CD3G: variants seen among roughly 807,000 people sequenced by gnomAD.
CD3G encodes CD3 gamma subunit of T-cell receptor complex, also known as T-cell surface glycoprotein CD3 gamma chain.
Under a neutral mutation model 28.3 loss-of-function variants are expected in CD3G, and 24 were observed. That is an observed-to-expected ratio of 0.85 (90% confidence interval 0.61 to 1.19). The LOEUF is 1.19. Ranked by LOEUF, CD3G falls within the 50% of genes most tolerant of loss-of-function variation. CD3G has a pLI of 0.00. For synonymous variants in CD3G, 71 were observed against 75.9 expected (o/e 0.93, Z 0.34); for missense variants, 211 against 210.0 (o/e 1.00, Z -0.03).
rs537582344 is a variant in CD3G, at chr11:118,352,539, C to T, written c.*18+52C>T. 2.7e-3 allele frequency: 3,257 copies of T among 1,200,102 alleles called. 87 individuals carry two copies. The South Asian group carries it at 0.038, about 14-fold the overall frequency. 74.3% of individuals were successfully genotyped at this position (1,200,102 alleles called of 1,614,324 possible). The stretch of plus-strand genomic sequence containing the variant: ...AAAGGACCCTTGCATCAACTGCCCT[C>T]GCAATTGCTTCTAAGTCTAGCTCCC... On this transcript the variant is annotated intron_variant, in intron 6 of 6. Transcript: ENST00000532917.
intron 1 of CD3G, among the ~76,000 whole-genome samples, chr11:118,346,345 G>A (rs1948355821): frequency 6.6e-6 from 1 of 152,228 alleles, no homozygotes; most frequent in African/African-American, 2.4e-5. Context: ...GCTGAGGCAG[G>A]AGAATTGCTT....
chr11:118,352,309 C>G, intron 5 of CD3G, 95 bp from the exon 6 acceptor site: 2 of 1,038,288 alleles, frequency 1.9e-6, no homozygotes, highest in Non-Finnish European at 3.0e-6. Context: ...GTACCCACTC[C>G]AAATTCTCAC....
At position 118,349,001 on chromosome 11, in the gene CD3G, A is replaced by C. The variant is rs766539285; in HGVS notation, c.56-26A>C. On this transcript the variant is annotated intron_variant, in intron 1 of 6. Coordinates refer to ENST00000532917, the MANE Select transcript of CD3G (RefSeq NM_000073.3). ...CTGAACAACTCCATGCCCAGCTAAT[A>C]CTCTATCTCTCTTCTGTCTTTACAG... 4.3e-6 allele frequency: 7 copies of C among 1,613,812 alleles called. No homozygotes were observed. The East Asian group carries it at 1.6e-4, about 36-fold the overall frequency.
At position 118,349,182 on chromosome 11, in the gene CD3G, T is replaced by C. The variant is rs151023406; in HGVS notation, c.79+132T>C. ...GACGGGGATAGAGAGGTGATGTCTC[T>C]ATTGTCAACCAAATCAGTGACCTGA... is the stretch of plus-strand genomic sequence containing the variant. On this transcript the variant is annotated intron_variant, in intron 2 of 6. Coordinates refer to ENST00000532917, the MANE Select transcript of CD3G (RefSeq NM_000073.3). 14,217 of 1,603,184 alleles carry C rather than the reference T, an allele frequency of 8.9e-3. 93 individuals are homozygous for C. The highest frequency in any genetic ancestry group is 0.011 in the Non-Finnish European group (12,489 of 1,175,520).
At chr11:118,345,204 GA>G (rs912275394) in intron 1 of CD3G, among the ~76,000 whole-genome samples, 9 of 148,934 alleles carry the variant, frequency 6.0e-5, no homozygotes, top group East Asian at 1.9e-4. Context: ...GGCAGTTAGA[GA>G]AAAAAAAACA....
intron 2 of CD3G, 55 bp downstream of exon 2, chr11:118,349,105 G>T (rs1268410721): frequency 1.2e-6 from 2 of 1,613,986 alleles, no homozygotes; most frequent in South Asian, 2.2e-5. Flanking sequence ...CGGAAATTTG[G>T]CTTCCTACAA....
intron 3 of CD3G, 192 bp downstream of exon 3, chr11:118,350,162 T>C (rs1401873643): frequency 3.2e-6 from 2 of 616,060 alleles, no homozygotes; most frequent in Admixed American, 5.7e-5. Flanking sequence ...CTACAGCCAG[T>C]CCTGTAAAAT....
intron 1 of CD3G, among the ~76,000 whole-genome samples, chr11:118,348,423 C>A (rs1948375636): frequency 6.6e-6 from 1 of 152,130 alleles, no homozygotes; most frequent in South Asian, 2.1e-4. Context: ...ATGAAAAGGG[C>A]AAGGTCTAGG....
At chr11:118,350,165 T>C in intron 3 of CD3G, 195 bp downstream of exon 3, 1 of 611,282 alleles carries the variant, frequency 1.6e-6, no homozygotes, top group Non-Finnish European at 2.9e-6. Context: ...CAGCCAGTCC[T>C]GTAAAATTTT....
Position 118,351,685 on chromosome 11 carries a change from G to A in CD3G, c.483+14G>A, listed in dbSNP as rs767966977. 1.9e-6 allele frequency: 3 copies of A among 1,612,906 alleles called. No homozygotes were observed. The highest frequency in any genetic ancestry group is 8.5e-7 in the Non-Finnish European group (1 of 1,179,100). On this transcript the variant is annotated intron_variant, in intron 5 of 6. Transcript: ENST00000532917. ...CAGCTCTACCAGGTAAGGGGATGAA[G>A]AATAAAAGAGACATTGCTGTAATTA...
At chr11:118,352,175 C>A (rs1214675722) in intron 5 of CD3G, among the ~76,000 whole-genome samples, 1 of 151,172 alleles carries the variant, frequency 6.6e-6, no homozygotes, top group East Asian at 1.9e-4. Context: ...GCGATTGTGC[C>A]ACTGCACTCC....
chr11:118,346,068 T>C (rs977117925), intron 1 of CD3G, among the ~76,000 whole-genome samples: 1 of 152,166 alleles, frequency 6.6e-6, no homozygotes, highest in African/African-American at 2.4e-5. Flanking sequence ...TGGATCCAGC[T>C]TGGACACCAA....
Position 118,346,479 on chromosome 11 carries a change from C to T in CD3G, c.55+2001C>T, listed in dbSNP as rs565027503. 4.6e-5 allele frequency among the ~76,000 whole-genome samples: 7 copies of T among 151,804 alleles called. No homozygotes were observed. In the South Asian group the frequency reaches 1.5e-3, roughly 32 times the overall value. ...AAAAAGAAATGTGGCTATATGAACT[C>T]TTAAGTCCTAAAAGGAAACCTCACT... On this transcript the variant is annotated intron_variant, in intron 1 of 6. Transcript: ENST00000532917.
At chr11:118,352,626 A>G (rs558085288) in intron 6 of CD3G, 139 bp downstream of exon 6, 1 of 704,834 alleles carries the variant, frequency 1.4e-6, no homozygotes, top group Admixed American at 2.1e-5. Flanking sequence ...GGTTTGGGGT[A>G]CTCTTTTCTA....
chr11:118,348,518 A>G lies in CD3G; in HGVS notation c.56-509A>G, dbSNP rs907227094. ...CAGCACTCTCCCACACTCTGCCAGCACATTGATGGGTTCACCAACCAGGAA... is the reference window on the plus strand; with the variant it reads ...CAGCACTCTCCCACACTCTGCCAGCGCATTGATGGGTTCACCAACCAGGAA... On this transcript the variant is annotated intron_variant, in intron 1 of 6. Coordinates refer to ENST00000532917, the MANE Select transcript of CD3G (RefSeq NM_000073.3). Among the ~76,000 whole-genome samples the G allele has an allele frequency of 2.6e-5, 4 of 152,182 alleles. No homozygotes were observed. In the East Asian group the frequency reaches 7.7e-4, roughly 29 times the overall value.
At chr11:118,348,356 T>C (rs1461940486) in intron 1 of CD3G, among the ~76,000 whole-genome samples, 1 of 152,158 alleles carries the variant, frequency 6.6e-6, no homozygotes, top group Non-Finnish European at 1.5e-5. Flanking sequence ...TTTAAGAAAG[T>C]GCTGTACTTC....
chr11:118,348,604 G>A (rs371382511), intron 1 of CD3G, among the ~76,000 whole-genome samples: 4 of 152,212 alleles, frequency 2.6e-5, no homozygotes, highest in East Asian at 1.9e-4. Flanking sequence ...ATCATTGGCC[G>A]CTTGACTGAT....
chr11:118,354,662 A>G lies in CD3G; in HGVS notation c.*1562A>G, dbSNP rs1305373361. 6.6e-6 allele frequency: 1 copy of G among 151,878 alleles called. No individual in the cohort carries two copies. The highest frequency in any genetic ancestry group is 6.6e-5 in the Admixed American group (1 of 15,230). The allele number at this position is 151,878 out of a possible 1,614,324, so 9.4% of individuals were successfully genotyped here. A position where few individuals can be genotyped will look rare whatever the true frequency, so the allele number is the denominator to read the frequency against. ...AACTGTATTTTAATATAGCCATTCT[A>G]TGGATTTAATATGGTATTTTATTAT... On this transcript the variant is annotated 3_prime_UTR_variant, in exon 7 of 7. Transcript: ENST00000532917.
intron 3 of CD3G, chr11:118,350,335 T>C (rs1287132372): frequency 1.6e-6 from 1 of 606,724 alleles, no homozygotes; most frequent in Non-Finnish European, 2.9e-6. Flanking sequence ...AGATACTTCC[T>C]GGTAGTTAGA....
Sources: allele counts gnomAD v4.1 joint callset (sites outside exome capture counted in the v4.1 genomes callset), GRCh38; gene constraint gnomAD v4.1.1; transcripts MANE v1.5; gene names NCBI Gene and HGNC (gene_info 2026-07-23, HGNC 2026-07-21).